DNAH7: variants seen among roughly 807,000 people sequenced by gnomAD.
The protein encoded by DNAH7 is dynein axonemal heavy chain 7, also known as axonemal beta dynein heavy chain 7.
A neutral mutation model predicts 444.6 loss-of-function variants in DNAH7; 397 were observed. The ratio of observed to expected loss-of-function variants is 0.89; its 90% CI spans 0.82 to 0.97. The LOEUF is 0.97. DNAH7 is among the 50% of genes least tolerant of loss of function. DNAH7 has a pLI of 0.00. For synonymous variants in DNAH7, 1,636 were observed against 1,624.4 expected (o/e 1.01, Z -0.17); for missense variants, 4,902 against 4,800.8 (o/e 1.02, Z -0.62).
chr2:196,026,051 C>T (rs1007541713), intron 7 of DNAH7, among the ~76,000 whole-genome samples: 1 of 152,062 alleles, frequency 6.6e-6, no homozygotes, highest in African/African-American at 2.4e-5. Context: ...TTGTCTGTAC[C>T]ATGGGTCAAC....
In DNAH7 at chr2:195,881,787, G is replaced by C. The variant is rs923173340; in HGVS notation, c.5961+8C>G. On this transcript the variant is annotated splice_region_variant and intron_variant, in intron 36 of 64. Coordinates refer to ENST00000312428, the MANE Select transcript of DNAH7 (RefSeq NM_018897.3). ...ACAGTTTAATACGCAGATTTCTGCA[G>C]TACTTACCGTAATGTAAACACTTTT... 1 of 1,611,930 alleles carries C rather than the reference G, an allele frequency of 6.2e-7. No individual in the cohort carries two copies. Among genetic ancestry groups the C allele is most frequent in the African/African-American group, 1.3e-5 (1 of 74,890 alleles).
At chr2:195,976,766 A>AGG (rs1692228419) in intron 15 of DNAH7, among the ~76,000 whole-genome samples, 1 of 150,734 alleles carries the variant, frequency 6.6e-6, no homozygotes, top group Non-Finnish European at 1.5e-5. Context: ...AGAGAGAGAG[A>AGG]GAGAGAGAGA....
At chr2:195,779,350 A>G (rs1238824981) in intron 58 of DNAH7, among the ~76,000 whole-genome samples, 1 of 152,204 alleles carries the variant, frequency 6.6e-6, no homozygotes, top group Non-Finnish European at 1.5e-5. Flanking sequence ...TGAAAAGGAA[A>G]TTACTATTTT....
At chr2:196,017,038 GCT>G (rs1695065659) in intron 9 of DNAH7, among the ~76,000 whole-genome samples, 1 of 152,024 alleles carries the variant, frequency 6.6e-6, no homozygotes, top group South Asian at 2.1e-4. Context: ...CTGGAGTCTT[GCT>G]CTGTCACCCA....
intron 14 of DNAH7, among the ~76,000 whole-genome samples, chr2:195,986,130 T>C (rs1218636909): frequency 1.3e-5 from 2 of 152,186 alleles, no homozygotes; most frequent in Non-Finnish European, 2.9e-5. Flanking sequence ...TCCCTGATTC[T>C]CCCCTCTCCC....
intron 46 of DNAH7, among the ~76,000 whole-genome samples, chr2:195,852,913 CACAGAGAGAGAGAG>C (rs1176084956): frequency 2.6e-4 from 35 of 134,626 alleles, no homozygotes; most frequent in Non-Finnish European, 4.1e-4. Flanking sequence ...CACACACACA[CACAGAGAGAGAGAG>C]AGAGAGAGAG....
At chr2:195,881,116 A>T (rs1701353018) in intron 36 of DNAH7, among the ~76,000 whole-genome samples, 1 of 152,106 alleles carries the variant, frequency 6.6e-6, no homozygotes, top group Non-Finnish European at 1.5e-5. Context: ...GAGAGATGTC[A>T]TTCCAATCTT....
At chr2:196,068,669 C>G (rs1188656082) in intron 1 of DNAH7, 28 bp downstream of exon 1, 6 of 1,550,074 alleles carry the variant, frequency 3.9e-6, no homozygotes, top group Non-Finnish European at 4.4e-6. Flanking sequence ...GCGGCGGCGG[C>G]GAGCCTGGCA....
At chr2:196,045,137 G>T (rs1018589307) in intron 5 of DNAH7, among the ~76,000 whole-genome samples, 19 of 149,698 alleles carry the variant, frequency 1.3e-4, no homozygotes, top group African/African-American at 4.7e-4. Context: ...GGAGATGGAG[G>T]AGGAGGAGAA....
intron 63 of DNAH7, among the ~76,000 whole-genome samples, chr2:195,745,457 C>G (rs1574354578): frequency 4.6e-5 from 7 of 152,220 alleles, no homozygotes; most frequent in African/African-American, 1.7e-4. Flanking sequence ...GAGAACTTCC[C>G]CAATCTAGCA....
chr2:195,880,068 T>C (rs558429615), intron 36 of DNAH7, among the ~76,000 whole-genome samples: 1 of 152,128 alleles, frequency 6.6e-6, no homozygotes, highest in Non-Finnish European at 1.5e-5. Flanking sequence ...ATGCAATAAT[T>C]TGAAGAGAAA....
At chr2:195,752,337 A>G (rs1693842663) in intron 63 of DNAH7, among the ~76,000 whole-genome samples, 3 of 151,862 alleles carry the variant, frequency 2.0e-5, no homozygotes, top group Non-Finnish European at 4.4e-5. Flanking sequence ...TGATATGAAC[A>G]GATGAGGGAG....
intron 63 of DNAH7, among the ~76,000 whole-genome samples, chr2:195,747,083 A>G (rs890440859): frequency 5.3e-5 from 8 of 152,234 alleles, no homozygotes; most frequent in Non-Finnish European, 8.8e-5. Context: ...AAGCATCAAC[A>G]AAATTGATAG....
chr2:195,892,853 C>G (rs1219501059), intron 30 of DNAH7: 1 of 151,048 alleles, frequency 6.6e-6, no homozygotes, highest in Non-Finnish European at 1.5e-5. Flanking sequence ...AAGTTCAACT[C>G]TTTCTAATAT....
At chr2:196,007,617 G>A (rs1396266129) in intron 10 of DNAH7, among the ~76,000 whole-genome samples, 1 of 152,166 alleles carries the variant, frequency 6.6e-6, no homozygotes, top group Admixed American at 6.5e-5. Flanking sequence ...GACCAGTGGA[G>A]ATAATTGAAT....
chr2:195,923,561 G>A (rs753320001), intron 23 of DNAH7, 34 bp downstream of exon 23: 12 of 1,590,180 alleles, frequency 7.5e-6, no homozygotes, highest in Non-Finnish European at 1.7e-6. Context: ...AGCTGAAATT[G>A]CTGTGTAATA....
At chr2:195,950,957 T>C (rs1690210702) in intron 19 of DNAH7, among the ~76,000 whole-genome samples, 1 of 151,618 alleles carries the variant, frequency 6.6e-6, no homozygotes, top group Non-Finnish European at 1.5e-5. Flanking sequence ...CTGATCTAAG[T>C]TATTTCTTGT....
At chr2:196,004,962 CAA>C (rs60564090) in intron 10 of DNAH7, among the ~76,000 whole-genome samples, 7,258 of 63,388 alleles carry the variant, frequency 0.11, 324 homozygotes, top group East Asian at 0.39. Context: ...GGCCTTGTGT[CAA>C]AAAAAAAAAA....
intron 15 of DNAH7, among the ~76,000 whole-genome samples, chr2:195,982,283 C>A (rs944617421): frequency 2.0e-5 from 3 of 152,212 alleles, no homozygotes; most frequent in Non-Finnish European, 4.4e-5. Flanking sequence ...AATGACATAT[C>A]ATTTCACTCC....
Sources: allele counts gnomAD v4.1 joint callset (sites outside exome capture counted in the v4.1 genomes callset), GRCh38; gene constraint gnomAD v4.1.1; transcripts MANE v1.5; gene names NCBI Gene and HGNC (gene_info 2026-07-23, HGNC 2026-07-21).